MYT1L: variants seen among roughly 807,000 people sequenced by gnomAD.
The protein encoded by MYT1L is myelin transcription factor 1 like, also known as myelin transcription factor 1-like protein.
In MYT1L, 12 loss-of-function variants were observed where a neutral mutation model predicts 126.7. That is an observed-to-expected ratio of 0.09 (90% confidence interval 0.06 to 0.15). The LOEUF is 0.15. Among genes scored for constraint, MYT1L ranks in the 10% least tolerant of loss-of-function variants. MYT1L has a pLI of 1.00. For missense variants in MYT1L, 979 were observed against 1,585.2 expected (o/e 0.62, Z 6.49); for synonymous variants, 541 against 604.2 (o/e 0.90, Z 1.53).
chr2:2,063,689 T>C lies in MYT1L; in HGVS notation c.-303-9566A>G, dbSNP rs535799505. On this transcript the variant is annotated intron_variant, in intron 3 of 24. Transcript: ENST00000647738. ...TGAAACCCTGTCTCTACTAAAAATA[T>C]AAAAATTAGCTGGGAGTGATGACAC... is the stretch of plus-strand genomic sequence containing the variant. Among the ~76,000 whole-genome samples, 190 of 152,112 alleles carry C rather than the reference T, an allele frequency of 1.2e-3. 1 individual carries two copies. The highest frequency in any genetic ancestry group is 3.9e-3 in the African/African-American group (162 of 41,490).
At chr2:1,817,323 T>A (rs2037818408) in intron 21 of MYT1L, among the ~76,000 whole-genome samples, 1 of 151,926 alleles carries the variant, frequency 6.6e-6, no homozygotes, top group Non-Finnish European at 1.5e-5. Flanking sequence ...GGTGGGGGGA[T>A]AGGGGCGCCA....
At chr2:2,272,473 T>C (rs907871833) in intron 2 of MYT1L, among the ~76,000 whole-genome samples, 1 of 152,168 alleles carries the variant, frequency 6.6e-6, no homozygotes, top group Admixed American at 6.5e-5. Flanking sequence ...AAAAAAGTAA[T>C]GGTCAGATCT....
intron 18 of MYT1L, among the ~76,000 whole-genome samples, chr2:1,857,204 C>CA (rs1251407160): frequency 1.3e-5 from 2 of 152,236 alleles, no homozygotes; most frequent in Non-Finnish European, 2.9e-5. Flanking sequence ...CCAGTGGGTC[C>CA]ACCATCATCT....
rs1018878747 is a variant in MYT1L at position 2,115,994 on chromosome 2, T to C, written c.-304+56878A>G. On this transcript the variant is annotated intron_variant, in intron 3 of 24. Transcript: ENST00000647738. ...GTCGACGAAAACAGGACGAGCCTGC[T>C]GTGCAGTTGAGGAAGCTGAGGCTGA... 4.7e-5 allele frequency among the ~76,000 whole-genome samples: 7 copies of C among 150,160 alleles called. No homozygotes were observed. The East Asian group carries it at 7.9e-4, about 17-fold the overall frequency.
intron 1 of MYT1L, among the ~76,000 whole-genome samples, chr2:2,312,069 C>G (rs1386210145): frequency 6.6e-6 from 1 of 152,162 alleles, no homozygotes; most frequent in Admixed American, 6.5e-5. Context: ...CAGCTGTAGA[C>G]TTTACACAGC....
rs1403423350 is a variant in MYT1L at position 1,811,692 on chromosome 2, A to G, written c.3081-2525T>C. ...TCTCACCCTGCCTGCTGCTGTTTACACCGGAAATCCCTGTGCTACTCAAGC... is the reference window on the plus strand; with the variant it reads ...TCTCACCCTGCCTGCTGCTGTTTACGCCGGAAATCCCTGTGCTACTCAAGC... On this transcript the variant is annotated intron_variant, in intron 21 of 24. Transcript: ENST00000647738. This position sits in a 1 kb window ranked among gnomAD's most constrained non-coding sequence, Gnocchi z 4.4. Among the ~76,000 whole-genome samples the G allele has an allele frequency of 5.9e-5, 9 of 152,150 alleles. No homozygotes were observed. The East Asian group carries it at 1.5e-3, about 26-fold the overall frequency.
intron 4 of MYT1L, among the ~76,000 whole-genome samples, chr2:2,052,330 ACT>A: frequency 6.6e-6 from 1 of 152,306 alleles, no homozygotes; most frequent in East Asian, 1.9e-4. Context: ...AAGCTATAAA[ACT>A]CTTAGAAGAA....
intron 2 of MYT1L, among the ~76,000 whole-genome samples, chr2:2,175,099 G>A (rs2090571385): frequency 6.6e-6 from 1 of 152,000 alleles, no homozygotes; most frequent in Non-Finnish European, 1.5e-5. Context: ...TTGGCTCAGT[G>A]GTTTCGGGAA....
chr2:1,894,804 G>C (rs1171028376), intron 14 of MYT1L, among the ~76,000 whole-genome samples: 1 of 152,130 alleles, frequency 6.6e-6, no homozygotes, highest in Non-Finnish European at 1.5e-5. Context: ...AGCTCCCGCT[G>C]ACGCCCAGAG....
Position 1,892,189 on chromosome 2 carries a change from CGCTGCTGCCCCCGCCGCAGCTCAGGTT to C in MYT1L, c.2104_2130del (p.Asn702_Ser710del). On this transcript the variant is annotated inframe_deletion, in exon 15 of 25. Transcript: ENST00000647738. ...CTGCTCTTGCTGCACGTGCTGCTGG[CGCTGCTGCCCCCGCCGCAGCTCAGGTT>C]GCTGCTGCTGCTGGGCGCGTAGCTG... The C allele has an allele frequency of 6.5e-7, 1 of 1,549,380 alleles. No individual in the cohort carries two copies. The highest frequency in any genetic ancestry group is 8.7e-7 in the Non-Finnish European group (1 of 1,146,570).
intron 1 of MYT1L, among the ~76,000 whole-genome samples, chr2:2,302,481 T>C (rs1281840089): frequency 6.6e-6 from 1 of 152,212 alleles, no homozygotes; most frequent in Non-Finnish European, 1.5e-5. Flanking sequence ...GGGGTTGCTA[T>C]ACTTCTATTT....
chr2:1,962,422 G>A (rs903864653), intron 8 of MYT1L, among the ~76,000 whole-genome samples: 4 of 152,222 alleles, frequency 2.6e-5, no homozygotes, highest in Non-Finnish European at 4.4e-5. Context: ...CCTTCAGGGC[G>A]TCCTAATCTT....
rs571870343 is a variant in MYT1L at position 1,818,243 on chromosome 2, G to A, written c.3081-9076C>T. Among the ~76,000 whole-genome samples the A allele has an allele frequency of 3.4e-4, 52 of 152,320 alleles. 1 individual carries two copies. In the South Asian group the frequency reaches 0.01, roughly 30 times the overall value. The stretch of plus-strand genomic sequence containing the variant: ...AATTTGAGAGGAGGTGGGAGTGTGT[G>A]TAGAAGCTTTGTTGCAGCTGGAAGG... On this transcript the variant is annotated intron_variant, in intron 21 of 24. Transcript: ENST00000647738.
At chr2:2,023,447 TG>T (rs1411610618) in intron 4 of MYT1L, among the ~76,000 whole-genome samples, 1 of 152,136 alleles carries the variant, frequency 6.6e-6, no homozygotes, top group Non-Finnish European at 1.5e-5. Flanking sequence ...CAAAATTGTG[TG>T]GGCAATCTCT....
intron 4 of MYT1L, among the ~76,000 whole-genome samples, chr2:1,998,475 G>T (rs764415220): frequency 6.6e-6 from 1 of 152,128 alleles, no homozygotes; most frequent in Non-Finnish European, 1.5e-5. Flanking sequence ...AACCCACCTT[G>T]TCCACTTCTG....
intron 3 of MYT1L, among the ~76,000 whole-genome samples, chr2:2,076,622 G>GA (rs1157410308): frequency 1.3e-5 from 2 of 152,124 alleles, no homozygotes; most frequent in Admixed American, 6.5e-5. Context: ...ATTTTACCAG[G>GA]AAAGTTACTA....
chr2:2,254,786 A>G (rs991965377), intron 2 of MYT1L, among the ~76,000 whole-genome samples: 1 of 152,136 alleles, frequency 6.6e-6, no homozygotes, highest in Non-Finnish European at 1.5e-5. Flanking sequence ...TCTTCATCAC[A>G]AGAATCACAG....
chr2:2,225,600 G>T (rs1200329769), intron 2 of MYT1L, among the ~76,000 whole-genome samples: 2 of 152,010 alleles, frequency 1.3e-5, no homozygotes, highest in Non-Finnish European at 2.9e-5. Flanking sequence ...CTACACCGTG[G>T]TCTCTCCTGG....
intron 3 of MYT1L, among the ~76,000 whole-genome samples, chr2:2,082,330 T>C (rs2075923319): frequency 6.6e-6 from 1 of 152,216 alleles, no homozygotes; most frequent in Non-Finnish European, 1.5e-5. Context: ...TTTGAAGTTA[T>C]GGAGAACTTT....
Sources: allele counts gnomAD v4.1 joint callset (sites outside exome capture counted in the v4.1 genomes callset), GRCh38; gene constraint gnomAD v4.1.1; non-coding constraint Gnocchi (gnomAD v3.1); transcripts MANE v1.5; gene names NCBI Gene and HGNC (gene_info 2026-07-23, HGNC 2026-07-21).